Variants in ALK observed in about 807,000 individuals in gnomAD.
ALK encodes the protein ALK tyrosine kinase receptor.
In ALK, 74 loss-of-function variants were observed where a neutral mutation model predicts 163.1. The observed-to-expected ratio is 0.45, with a 90% CI of 0.38 to 0.55. The LOEUF (loss-of-function observed/expected upper bound fraction) is 0.55, where lower values mean the gene tolerates loss of function less well. ALK is among the 20% of genes least tolerant of loss of function. The probability of loss-of-function intolerance (pLI) is 0.00; values close to 1 mark genes in which losing one functional copy is unlikely to be tolerated. For synonymous variants in ALK, 960 were observed against 843.2 expected (o/e 1.14, Z -2.40); for missense variants, 2,063 against 2,105.3 (o/e 0.98, Z 0.39).
At chr2:29,241,145 G>A (rs1437728390) in intron 12 of ALK, among the ~76,000 whole-genome samples, 1 of 152,130 alleles carries the variant, frequency 6.6e-6, no homozygotes, top group Non-Finnish European at 1.5e-5. Context: ...TTGAATGTTG[G>A]GAGCGGTGTA....
chr2:29,543,013 T>C (rs1673453634), intron 3 of ALK, among the ~76,000 whole-genome samples: 1 of 152,132 alleles, frequency 6.6e-6, no homozygotes, highest in African/African-American at 2.4e-5. Context: ...GCTTTTTTTA[T>C]ATATATTGAT....
At chr2:29,869,170 T>C (rs1444778624) in intron 1 of ALK, among the ~76,000 whole-genome samples, 4 of 152,194 alleles carry the variant, frequency 2.6e-5, no homozygotes, top group Non-Finnish European at 5.9e-5. Context: ...TCCATGGGCA[T>C]AATAAAATGG....
chr2:29,581,477 C>T lies in ALK; in HGVS notation c.953-49361G>A, dbSNP rs187545897. Among the ~76,000 whole-genome samples the T allele has an allele frequency of 7.9e-4, 120 of 152,276 alleles. 1 individual carries two copies. The highest frequency in any genetic ancestry group is 1.6e-3 in the Admixed American group (24 of 15,302). ...AAGGGAGGGCCACACCTGGTGGAACCCGCCCCTAGCCCCAGAGCCAGGGGA... is the reference window on the plus strand; with the variant it reads ...AAGGGAGGGCCACACCTGGTGGAACTCGCCCCTAGCCCCAGAGCCAGGGGA... On this transcript the variant is annotated intron_variant, in intron 3 of 28. Transcript: ENST00000389048.
rs181465160 is a variant in ALK at position 29,235,434 on chromosome 2, C to T, written c.2356-1738G>A. On this transcript the variant is annotated intron_variant, in intron 13 of 28. Coordinates refer to ENST00000389048, the MANE Select transcript of ALK (RefSeq NM_004304.5). ...TTGTTTCATGGAATTTTGGATTTAA[C>T]GATGGAAATAATTTGATATTTCTTA... 9.9e-4 allele frequency among the ~76,000 whole-genome samples: 151 copies of T among 151,916 alleles called. 1 individual carries two copies. The highest frequency in any genetic ancestry group is 3.5e-3 in the African/African-American group (143 of 41,410).
chr2:29,327,062 C>T (rs1297458152), intron 6 of ALK, among the ~76,000 whole-genome samples: 1 of 152,212 alleles, frequency 6.6e-6, no homozygotes, highest in Non-Finnish European at 1.5e-5. Flanking sequence ...TTCCAGCTGC[C>T]TGTAGGTATT....
At chr2:29,525,458 T>TCATG in intron 4 of ALK, among the ~76,000 whole-genome samples, 1 of 152,124 alleles carries the variant, frequency 6.6e-6, no homozygotes, top group East Asian at 1.9e-4. Context: ...ATACATATGC[T>TCATG]CATGGCCCAC....
At chr2:29,221,536 TG>T (rs1049660689) in intron 22 of ALK, among the ~76,000 whole-genome samples, 5 of 152,202 alleles carry the variant, frequency 3.3e-5, no homozygotes, top group Non-Finnish European at 5.9e-5. Flanking sequence ...TTGAGTGATA[TG>T]GGTCTTCTTC....
intron 1 of ALK, among the ~76,000 whole-genome samples, chr2:29,832,379 A>G (rs1277597805): frequency 6.6e-6 from 1 of 152,184 alleles, no homozygotes; most frequent in African/African-American, 2.4e-5. Flanking sequence ...TAGGGAACTG[A>G]GGTGAATTGA....
intron 1 of ALK, among the ~76,000 whole-genome samples, chr2:29,855,968 T>C (rs1187261162): frequency 6.6e-6 from 1 of 152,252 alleles, no homozygotes; most frequent in Admixed American, 6.5e-5. Context: ...AATTTAAAAT[T>C]CATGATAATT....
At chr2:29,404,008 T>C (rs1669517266) in intron 4 of ALK, among the ~76,000 whole-genome samples, 1 of 151,920 alleles carries the variant, frequency 6.6e-6, no homozygotes, top group Non-Finnish European at 1.5e-5. Context: ...AAATTGTCTA[T>C]AAAAGGAGTT....
chr2:29,368,497 C>A (rs80132271), intron 5 of ALK, among the ~76,000 whole-genome samples: 14,098 of 152,222 alleles, frequency 0.093, 673 homozygotes, highest in Non-Finnish European at 0.11. Flanking sequence ...AATTTGAATT[C>A]TCTAGTAAAG....
At chr2:29,310,957 C>T (rs1233638520) in intron 8 of ALK, among the ~76,000 whole-genome samples, 1 of 152,228 alleles carries the variant, frequency 6.6e-6, no homozygotes, top group Admixed American at 6.5e-5. Context: ...AAATCTCTTA[C>T]TCATGTAGAG....
intron 3 of ALK, among the ~76,000 whole-genome samples, chr2:29,684,471 C>G (rs1678178627): frequency 6.6e-6 from 1 of 152,214 alleles, no homozygotes; most frequent in Non-Finnish European, 1.5e-5. Flanking sequence ...ATCGATTCCA[C>G]TTCCTCACAT....
intron 23 of ALK, among the ~76,000 whole-genome samples, chr2:29,216,423 A>G (rs550531041): frequency 1.3e-5 from 2 of 152,140 alleles, no homozygotes; most frequent in East Asian, 3.9e-4. Context: ...TGCGAGGGCC[A>G]TAGATGTCTC....
At chr2:29,241,657 C>T (rs1316211048) in intron 12 of ALK, among the ~76,000 whole-genome samples, 1 of 151,852 alleles carries the variant, frequency 6.6e-6, no homozygotes, top group Non-Finnish European at 1.5e-5. Flanking sequence ...TCAAGTATGT[C>T]TGGCTGCAGC....
intron 3 of ALK, among the ~76,000 whole-genome samples, chr2:29,544,492 T>C (rs1673501030): frequency 6.6e-6 from 1 of 152,178 alleles, no homozygotes; most frequent in Non-Finnish European, 1.5e-5. Context: ...TAATGTTCTA[T>C]GGAACACACT....
chr2:29,695,497 T>G (rs1031869864), intron 2 of ALK, among the ~76,000 whole-genome samples: 9 of 152,170 alleles, frequency 5.9e-5, no homozygotes, highest in African/African-American at 2.2e-4. Context: ...CCGTAAGAAC[T>G]GGTGGTAAAA....
At chr2:29,699,018 C>G (rs893587295) in intron 2 of ALK, among the ~76,000 whole-genome samples, 5 of 152,204 alleles carry the variant, frequency 3.3e-5, no homozygotes, top group African/African-American at 9.6e-5. Context: ...CAGGTTAAGT[C>G]TTATTTTCCT....
chr2:29,567,744 T>G (rs973557161), intron 3 of ALK, among the ~76,000 whole-genome samples: 1 of 152,170 alleles, frequency 6.6e-6, no homozygotes, highest in Non-Finnish European at 1.5e-5. Context: ...ACAGTTCAGG[T>G]AAAATGTAAG....
Sources: gnomAD v4.1 joint callset for allele counts (sites outside exome capture counted in the v4.1 genomes callset) on GRCh38, gnomAD v4.1.1 for gene constraint, MANE v1.5 for transcripts, NCBI Gene and HGNC (gene_info 2026-07-23, HGNC 2026-07-21) for gene names.